Variants in SEC24A observed in about 807,000 individuals in gnomAD.
SEC24A encodes the protein protein transport protein Sec24A.
In SEC24A, 93 loss-of-function variants were observed where a neutral mutation model predicts 129.4. That is an observed-to-expected ratio of 0.72 (90% CI 0.61 to 0.85). The LOEUF is 0.85. Among genes scored for constraint, SEC24A ranks in the 40% least tolerant of loss-of-function variants. SEC24A has a pLI of 0.00. For synonymous variants in SEC24A, 460 were observed against 467.3 expected, an observed-to-expected ratio of 0.98 and a Z score of 0.20; for missense variants, 1,264 against 1,307.4, an observed-to-expected ratio of 0.97 and a Z score of 0.51.
At chr5:134,655,270 T>A (rs1750201108) in intron 1 of SEC24A, among the ~76,000 whole-genome samples, 1 of 152,156 alleles carries the variant, frequency 6.6e-6, no homozygotes, top group African/African-American at 2.4e-5. Flanking sequence ...AAGCTGCTGG[T>A]TGGGTGGGAA....
rs765197841 is a variant in SEC24A at position 134,688,275 on chromosome 5, A to T, written c.1699A>T (p.Met567Leu). The T allele has an allele frequency of 6.3e-7, 1 of 1,592,688 alleles. No homozygotes were observed. Among genetic ancestry groups the T allele is most frequent in the Admixed American group, 1.7e-5 (1 of 59,932 alleles). The stretch of plus-strand genomic sequence containing the variant: ...TCAGGAAAGTCTCTCTCAACCTCAG[A>T]TGCTAATAGTTTCAGATATTGAAGG... ...GLQESLSQPQ[M>L]LIVSDIEDVF... The change falls in exon 11 of 23, where the codon ATG (methionine) becomes TTG (leucine). Residue 567 changes from methionine to leucine, a missense_variant. Physicochemically the swap from Met to Leu is conservative, Grantham distance 15. Transcript: ENST00000398844.
At chr5:134,672,319 CT>C (rs1200283841) in intron 4 of SEC24A, among the ~76,000 whole-genome samples, 4 of 152,188 alleles carry the variant, frequency 2.6e-5, no homozygotes, top group Admixed American at 2.0e-4. Context: ...TCCCAGTTAG[CT>C]GGTATTAGAG....
At chr5:134,655,298 T>C (rs1750202081) in intron 1 of SEC24A, among the ~76,000 whole-genome samples, 1 of 152,154 alleles carries the variant, frequency 6.6e-6, no homozygotes, top group Non-Finnish European at 1.5e-5. Context: ...TCTGCATTCA[T>C]TCTTGCCTCT....
chr5:134,703,881 G>GAC lies in SEC24A; in HGVS notation c.2392_2393dup (p.Gln799LeufsTer30). 1 of 1,611,026 alleles carries GAC rather than the reference G, an allele frequency of 6.2e-7. No homozygotes were observed. The highest frequency in any genetic ancestry group is 1.1e-5 in the South Asian group (1 of 90,894). On this transcript the variant is annotated frameshift_variant, in exon 16 of 23. Transcript: ENST00000398844. LOFTEE classifies it high-confidence loss of function. ...GATGTCAGTGGAAGAGAGTCTTACT[G>GAC]ACACTCAGTTGGTTTCTTTTCAGTC...
chr5:134,699,694 C>CTT, intron 15 of SEC24A, among the ~76,000 whole-genome samples: 1 of 139,158 alleles, frequency 7.2e-6, no homozygotes, highest in African/African-American at 2.9e-5. Context: ...AGTTTGTACT[C>CTT]TCTTTTTTTT....
intron 13 of SEC24A, among the ~76,000 whole-genome samples, chr5:134,694,363 T>C (rs529998296): frequency 6.6e-6 from 1 of 152,126 alleles, no homozygotes; most frequent in South Asian, 2.1e-4. Context: ...CCATCTCTAC[T>C]AAAAATACAA....
intron 9 of SEC24A, among the ~76,000 whole-genome samples, chr5:134,683,315 G>C (rs1276222394): frequency 6.6e-6 from 1 of 151,870 alleles, no homozygotes; most frequent in East Asian, 1.9e-4. Context: ...CACCGTGCCC[G>C]GCCAGCTCAT....
chr5:134,698,184 AGAG>A, intron 15 of SEC24A, 127 bp downstream of exon 15: 1 of 735,918 alleles, frequency 1.4e-6, no homozygotes, highest in Non-Finnish European at 2.2e-6. Flanking sequence ...TATGCAATTA[AGAG>A]GAGAGAAGAA....
At chr5:134,688,323 C>G in intron 11 of SEC24A, 24 bp downstream of exon 11, 1 of 1,333,966 alleles carries the variant, frequency 7.5e-7, no homozygotes, top group Non-Finnish European at 1.1e-6. Flanking sequence ...GAACTACTTT[C>G]ATAATTTTTC....
At chr5:134,712,679 C>T (rs1752362188) in intron 18 of SEC24A, among the ~76,000 whole-genome samples, 1 of 151,876 alleles carries the variant, frequency 6.6e-6, no homozygotes, top group African/African-American at 2.4e-5. Context: ...AGTGCAGTGG[C>T]ACAATCTTGG....
At chr5:134,670,487 C>T (rs1386221301) in intron 3 of SEC24A, among the ~76,000 whole-genome samples, 1 of 152,190 alleles carries the variant, frequency 6.6e-6, no homozygotes, top group Non-Finnish European at 1.5e-5. Context: ...AATTAGAGCT[C>T]ATACTTAGTA....
In SEC24A at chr5:134,668,507, C is replaced by A. The variant is rs183208799; in HGVS notation, c.739+1511C>A. Among the ~76,000 whole-genome samples, 714 of 152,296 alleles carry A rather than the reference C, an allele frequency of 4.7e-3. 1 individual carries two copies. The highest frequency in any genetic ancestry group is 0.017 in the Middle Eastern group (5 of 294). ...TTGGGAGGCCGAGGTGGGCGGATCA[C>A]CTAAGGTCAGGAGTTCCAGACCAGC... On this transcript the variant is annotated intron_variant, in intron 3 of 22. Coordinates refer to ENST00000398844, the MANE Select transcript of SEC24A (RefSeq NM_021982.3).
At chr5:134,657,467 C>T (rs1007975179) in intron 1 of SEC24A, among the ~76,000 whole-genome samples, 1 of 152,130 alleles carries the variant, frequency 6.6e-6, no homozygotes, top group Non-Finnish European at 1.5e-5. Flanking sequence ...CACCCATATT[C>T]AATTCCACAT....
intron 13 of SEC24A, among the ~76,000 whole-genome samples, chr5:134,695,645 C>T (rs528275187): frequency 7.5e-4 from 113 of 151,668 alleles, no homozygotes; most frequent in African/African-American, 2.5e-3. Context: ...ATTAACCGGG[C>T]GTGGTGGCAC....
rs183364670 is a variant in SEC24A at position 134,696,228 on chromosome 5, C to G, written c.1987-898C>G. ...GAGGTTGCGGTGAGCTGAGATCATG[C>G]CATTGCACACCAGCCTGGGCAACTA... On this transcript the variant is annotated intron_variant, in intron 13 of 22. Coordinates refer to ENST00000398844, the MANE Select transcript of SEC24A (RefSeq NM_021982.3). Among the ~76,000 whole-genome samples the G allele has an allele frequency of 6.5e-4, 98 of 151,832 alleles. 2 individuals are homozygous for G. The East Asian group carries it at 0.015, about 24-fold the overall frequency.
intron 18 of SEC24A, among the ~76,000 whole-genome samples, chr5:134,713,823 G>T (rs1404927194): frequency 6.7e-6 from 1 of 148,810 alleles, no homozygotes; most frequent in Non-Finnish European, 1.5e-5. Flanking sequence ...GAGGTCAGGA[G>T]TTCAAGACCA....
At chr5:134,723,507 A>G (rs1752678972) in intron 21 of SEC24A, 60 bp from the exon 22 acceptor site, 3 of 1,062,288 alleles carry the variant, frequency 2.8e-6, no homozygotes, top group South Asian at 1.3e-5. Context: ...GAAAAGTACC[A>G]TAGACCATAC....
At chr5:134,679,770 C>G in intron 8 of SEC24A, 42 bp downstream of exon 8, 2 of 1,459,780 alleles carry the variant, frequency 1.4e-6, no homozygotes, top group South Asian at 1.4e-5. Context: ...TTTCTACTTG[C>G]ATTGTAGGGA....
At position 134,690,561 on chromosome 5, in the gene SEC24A, C is replaced by T. The variant is rs975551765; in HGVS notation, c.1724-2041C>T. Among the ~76,000 whole-genome samples the T allele has an allele frequency of 1.8e-4, 28 of 152,196 alleles. 1 individual carries two copies. Among genetic ancestry groups the T allele is most frequent in the Admixed American group, 1.2e-3 (18 of 15,270 alleles). ...AACTCCTGGCCTTAGGCAGTCCTTT[C>T]GCCTCATCCTCCCAAAGTGTTGAGA... is the stretch of plus-strand genomic sequence containing the variant. On this transcript the variant is annotated intron_variant, in intron 11 of 22. Transcript: ENST00000398844.
Sources: allele counts gnomAD v4.1 joint callset (sites outside exome capture counted in the v4.1 genomes callset), GRCh38; gene constraint gnomAD v4.1.1; transcripts MANE v1.5; gene names NCBI Gene and HGNC (gene_info 2026-07-23, HGNC 2026-07-21).